Variants in ADGRE5 observed in about 807,000 individuals in gnomAD.
ADGRE5 encodes adhesion G protein-coupled receptor E5.
Under a neutral mutation model 100.3 loss-of-function variants are expected in ADGRE5, and 72 were observed. The ratio of observed to expected loss-of-function variants is 0.72; its 90% CI spans 0.59 to 0.87. The LOEUF (loss-of-function observed/expected upper bound fraction) is 0.87, where lower values mean the gene tolerates loss of function less well. Ranked by LOEUF, ADGRE5 falls within the 40% of genes least tolerant of loss-of-function variation. ADGRE5 has a pLI of 0.00. For synonymous variants in ADGRE5, 439 were observed against 447.8 expected, an observed-to-expected ratio of 0.98 and a Z score of 0.25; for missense variants, 959 against 1,094.7, an observed-to-expected ratio of 0.88 and a Z score of 1.75.
chr19:14,383,714 C>T (rs1295759269), intron 1 of ADGRE5, among the ~76,000 whole-genome samples: 1 of 151,588 alleles, frequency 6.6e-6, no homozygotes, highest in East Asian at 1.9e-4. Context: ...ACCAGAACAG[C>T]AGCTTCTCTC....
rs776571819 is a variant in ADGRE5, at chr19:14,407,050, G to T, written c.2208-11G>T. On this transcript the variant is annotated splice_polypyrimidine_tract_variant and intron_variant, in intron 17 of 19. Coordinates refer to ENST00000242786, the MANE Select transcript of ADGRE5 (RefSeq NM_078481.4). ...AGGTGGGGGCCCACGCTGCAACCCC[G>T]CTCCTCGCAGGGCGCTGACCATCAC... 2 of 1,613,766 alleles carry T rather than the reference G, an allele frequency of 1.2e-6. No homozygotes were observed. The highest frequency in any genetic ancestry group is 3.3e-5 in the Admixed American group (2 of 60,002).
chr19:14,382,683 C>T (rs927343325), intron 1 of ADGRE5, among the ~76,000 whole-genome samples: 3 of 151,082 alleles, frequency 2.0e-5, no homozygotes, highest in Non-Finnish European at 4.4e-5. Flanking sequence ...GGCAACACAT[C>T]GAGACGTTGT....
intron 4 of ADGRE5, among the ~76,000 whole-genome samples, chr19:14,393,934 G>T (rs1482034182): frequency 6.6e-6 from 1 of 152,190 alleles, no homozygotes; most frequent in Non-Finnish European, 1.5e-5. Flanking sequence ...AAAGTGGGCT[G>T]GTTTTCAGCC....
chr19:14,382,572 A>G (rs1244676253), intron 1 of ADGRE5, among the ~76,000 whole-genome samples: 1 of 152,168 alleles, frequency 6.6e-6, no homozygotes, highest in African/African-American at 2.4e-5. Context: ...ACAGCATTTT[A>G]AAAGTGTTGG....
intron 4 of ADGRE5, among the ~76,000 whole-genome samples, chr19:14,392,145 A>T (rs1004771859): frequency 8.0e-5 from 12 of 150,750 alleles, no homozygotes; most frequent in Non-Finnish European, 1.0e-4. Context: ...GCCATGGCTC[A>T]TGCCTGTAAT....
In ADGRE5 at chr19:14,402,820, T is replaced by G. The variant is rs767882697; in HGVS notation, c.1407T>G (p.Leu469=). 14 of 1,614,024 alleles carry G rather than the reference T, an allele frequency of 8.7e-6. No homozygotes were observed. Among genetic ancestry groups the G allele is most frequent in the Non-Finnish European group, 1.2e-5 (14 of 1,179,988 alleles). ...CCATCCTTTTCGCCTTCTCCCACCTTGAGTCCTCCGATGGGGAGGCGGGAA... is the reference window on the plus strand; with the variant it reads ...CCATCCTTTTCGCCTTCTCCCACCTGGAGTCCTCCGATGGGGAGGCGGGAA... ...NSPILFAFSH[L]ESSDGEAGRD... Residue 469 remains leucine (L), a synonymous_variant, in exon 12 of 20, where the codon CTT becomes CTG. Transcript: ENST00000242786.
chr19:14,404,591 C>T, intron 13 of ADGRE5, 29 bp downstream of exon 13: 1 of 1,602,594 alleles, frequency 6.2e-7, no homozygotes, highest in South Asian at 1.1e-5. Flanking sequence ...CCTCAAGTGC[C>T]CACAGGTAAT....
chr19:14,395,596 C>T (rs1975747835), intron 4 of ADGRE5, among the ~76,000 whole-genome samples: 1 of 152,246 alleles, frequency 6.6e-6, no homozygotes, highest in Non-Finnish European at 1.5e-5. Flanking sequence ...GGCCCCCGCT[C>T]ACGGCCAGTT....
Position 14,404,502 on chromosome 19 carries a change from C to T in ADGRE5, c.1569C>T (p.Thr523=), listed in dbSNP as rs760416454. Residue 523 remains threonine, a synonymous_variant, in exon 13 of 20, where the codon ACC becomes ACT. Transcript: ENST00000242786. ...CQVLGSKNGS[T]TCQCSHLSSF... ...TGCTGGGCAGCAAGAACGGCAGCAC[C>T]ACCTGCCAATGCAGCCACCTGAGCA... 6.2e-7 allele frequency: 1 copy of T among 1,612,854 alleles called. No individual in the cohort carries two copies. Among genetic ancestry groups the T allele is most frequent in the Non-Finnish European group, 8.5e-7 (1 of 1,179,624 alleles).
chr19:14,404,669 T>G, intron 13 of ADGRE5, 107 bp downstream of exon 13: 2 of 1,096,158 alleles, frequency 1.8e-6, no homozygotes, highest in Non-Finnish European at 1.3e-6. Flanking sequence ...CAGATATATC[T>G]GCATGGTTGC....
Position 14,401,288 on chromosome 19 carries a change from G to A in ADGRE5, c.898-98G>A. On this transcript the variant is annotated intron_variant, in intron 9 of 19. Transcript: ENST00000242786. The surrounding 1 kb of genome is among the most constrained non-coding windows in gnomAD (Gnocchi z 4.1). ...CTCAGTGATTCCCTTGTGCCTGTGG[G>A]TCTCCAGTGTGTCCCCTGGTAGGGG... 1 of 988,328 alleles carries A rather than the reference G, an allele frequency of 1.0e-6. No individual in the cohort carries two copies. Among genetic ancestry groups the A allele is most frequent in the Non-Finnish European group, 1.5e-6 (1 of 669,572 alleles). The allele number at this position is 988,328 out of a possible 1,614,324, so 61.2% of individuals were successfully genotyped here.
intron 3 of ADGRE5, among the ~76,000 whole-genome samples, chr19:14,390,582 C>T (rs1012444879): frequency 2.0e-5 from 3 of 152,076 alleles, no homozygotes; most frequent in African/African-American, 4.8e-5. Context: ...CCTCAGCCTC[C>T]CAAAATGCTG....
chr19:14,398,265 TACAC>T (rs1204313952), intron 9 of ADGRE5, 126 bp downstream of exon 9: 13 of 767,708 alleles, frequency 1.7e-5, no homozygotes, highest in African/African-American at 1.4e-4. Context: ...GCGCATAACA[TACAC>T]ACACCACATA....
intron 9 of ADGRE5, among the ~76,000 whole-genome samples, chr19:14,399,866 G>T (rs1391489117): frequency 6.6e-6 from 1 of 152,058 alleles, no homozygotes; most frequent in African/African-American, 2.4e-5. Context: ...TAGAGATACG[G>T]TCTTGTTTTG....
chr19:14,402,785 C>A lies in ADGRE5; in HGVS notation c.1372C>A (p.Leu458Ile), dbSNP rs747025597. 6.2e-7 allele frequency: 1 copy of A among 1,614,154 alleles called. No homozygotes were observed. The highest frequency in any genetic ancestry group is 1.1e-5 in the South Asian group (1 of 91,082). The change falls in exon 12 of 20, where the codon CTC (leucine) becomes ATC (isoleucine). Residue 458 changes from leucine (L) to isoleucine (I), a missense_variant. Leu to Ile is a conservative substitution (Grantham distance 5, BLOSUM62 2). Coordinates refer to ENST00000242786, the MANE Select transcript of ADGRE5 (RefSeq NM_078481.4). ...TCTGAGCCACAACAACACCAAGGAACTCAACTCCCCCATCCTTTTCGCCTT... is the reference window on the plus strand; with the variant it reads ...TCTGAGCCACAACAACACCAAGGAAATCAACTCCCCCATCCTTTTCGCCTT... ...IFLSHNNTKELNSPILFAFSH... is the reference protein window; with the variant it reads ...IFLSHNNTKEINSPILFAFSH...
intron 6 of ADGRE5, 198 bp from the exon 7 acceptor site, chr19:14,397,460 G>A (rs1599623867): frequency 1.6e-6 from 1 of 613,118 alleles, no homozygotes; most frequent in East Asian, 2.8e-5. Context: ...TGGGAGGAAG[G>A]CGTTTCACCA....
Position 14,404,379 on chromosome 19 carries a change from A to G in ADGRE5, c.1450-4A>G, listed in dbSNP as rs141473257. The G allele has an allele frequency of 1.1e-5, 17 of 1,606,672 alleles. No homozygotes were observed. The highest frequency in any genetic ancestry group is 3.5e-4 in the Middle Eastern group (2 of 5,746). On this transcript the variant is annotated splice_polypyrimidine_tract_variant and splice_region_variant and intron_variant, in intron 12 of 19. Transcript: ENST00000242786. ...CCTTTCTGACCACCCCCATCTGCCCACAGGACGTGATGCCTGGGCCACGGC... is the reference window on the plus strand; with the variant it reads ...CCTTTCTGACCACCCCCATCTGCCCGCAGGACGTGATGCCTGGGCCACGGC...
At chr19:14,402,280 CA>C (rs1976043235) in intron 11 of ADGRE5, among the ~76,000 whole-genome samples, 1 of 151,920 alleles carries the variant, frequency 6.6e-6, no homozygotes, top group Non-Finnish European at 1.5e-5. Flanking sequence ...ACTAAAAATA[CA>C]AAAATTAGCT....
rs1242591910 is a variant in ADGRE5 at position 14,405,650 on chromosome 19, G to GGTGGGCCCGTCAAA, written c.1630-94_1630-81dup. ...GAGGGACAAGGGAGGAGGTCAGAGA[G>GGTGGGCCCGTCAAA]GTGGGCCCGTCAAAGTGTGGGGGGG... On this transcript the variant is annotated intron_variant, in intron 13 of 19. Transcript: ENST00000242786. The GGTGGGCCCGTCAAA allele has an allele frequency of 1.1e-5, 9 of 832,866 alleles. No individual in the cohort carries two copies. The African/African-American group carries it at 1.5e-4, about 14-fold the overall frequency. The allele number at this position is 832,866 out of a possible 1,614,324, so 51.6% of individuals were successfully genotyped here.
Sources: allele counts gnomAD v4.1 joint callset (sites outside exome capture counted in the v4.1 genomes callset), GRCh38; gene constraint gnomAD v4.1.1; non-coding constraint Gnocchi (gnomAD v3.1); transcripts MANE v1.5; gene names NCBI Gene and HGNC (gene_info 2026-07-23, HGNC 2026-07-21).